The following CCNY variants were observed in gnomAD, a reference collection of about 807,000 sequenced individuals.
The protein encoded by CCNY is cyclin-Y.
Under a neutral mutation model 42.8 loss-of-function variants are expected in CCNY, and 19 were observed. The ratio of observed to expected loss-of-function variants is 0.44; its 90% CI spans 0.31 to 0.65. CCNY has a LOEUF of 0.65. Ranked by LOEUF, CCNY falls within the 30% of genes least tolerant of loss-of-function variation. CCNY has a pLI of 0.07. For missense variants in CCNY, 370 were observed against 437.3 expected, an observed-to-expected ratio of 0.85 and a Z score of 1.37; for synonymous variants, 165 against 162.7, an observed-to-expected ratio of 1.01 and a Z score of -0.11.
intron 7 of CCNY, among the ~76,000 whole-genome samples, chr10:35,541,904 G>A (rs140774365): frequency 0.045 from 6,553 of 146,654 alleles, 178 homozygotes; most frequent in Non-Finnish European, 0.069. Context: ...TCTTCTTTAG[G>A]ATCCCATCCA....
At chr10:35,458,767 C>T (rs1489730040) in intron 1 of CCNY, among the ~76,000 whole-genome samples, 1 of 152,232 alleles carries the variant, frequency 6.6e-6, no homozygotes, top group Admixed American at 6.5e-5. Context: ...TTAACCACTG[C>T]TCCCACGCCT....
chr10:35,533,316 C>T (rs146946329), intron 7 of CCNY, among the ~76,000 whole-genome samples: 3 of 152,200 alleles, frequency 2.0e-5, no homozygotes, highest in Admixed American at 6.5e-5. Flanking sequence ...TCACTTTGCA[C>T]GCTCCTCTGT....
chr10:35,321,958 G>A (rs1835826910), intron 3 of CCNY, among the ~76,000 whole-genome samples: 1 of 152,082 alleles, frequency 6.6e-6, no homozygotes, highest in South Asian at 2.1e-4. Flanking sequence ...TTCAACAAAT[G>A]GTACCGGAAA....
At chr10:35,501,328 C>T (rs1488951607) in intron 2 of CCNY, among the ~76,000 whole-genome samples, 173 bp from the exon 3 acceptor site, 1 of 152,172 alleles carries the variant, frequency 6.6e-6, no homozygotes, top group African/African-American at 2.4e-5. Flanking sequence ...GAGCCAAGTT[C>T]ATTCAGATCT....
intron 1 of CCNY, among the ~76,000 whole-genome samples, chr10:35,375,146 G>A (rs1489789703): frequency 2.6e-5 from 4 of 152,074 alleles, no homozygotes; most frequent in Non-Finnish European, 4.4e-5. Flanking sequence ...AGTTGGTGGC[G>A]TAAACAACAC....
At chr10:35,506,731 CA>C (rs1840223100) in intron 3 of CCNY, among the ~76,000 whole-genome samples, 1 of 151,518 alleles carries the variant, frequency 6.6e-6, no homozygotes, top group African/African-American at 2.5e-5. Flanking sequence ...TTAAGACACA[CA>C]AGTGACGGGG....
At chr10:35,438,621 T>C (rs2135291632) in intron 1 of CCNY, among the ~76,000 whole-genome samples, 1 of 152,358 alleles carries the variant, frequency 6.6e-6, no homozygotes, top group Non-Finnish European at 1.5e-5. Flanking sequence ...TATGTAATTG[T>C]CGTAAATGTT....
chr10:35,413,698 G>T (rs535206161), intron 1 of CCNY, among the ~76,000 whole-genome samples: 1 of 152,318 alleles, frequency 6.6e-6, no homozygotes, highest in South Asian at 2.1e-4. Flanking sequence ...GGAGGAGAGC[G>T]TTCAGCAGGA....
chr10:35,533,869 T>C (rs2135427407), intron 7 of CCNY, among the ~76,000 whole-genome samples: 1 of 152,318 alleles, frequency 6.6e-6, no homozygotes, highest in South Asian at 2.1e-4. Context: ...CAGTAAGTAT[T>C]TGTTGAACAT....
At chr10:35,463,276 A>G (rs1839193404) in intron 1 of CCNY, among the ~76,000 whole-genome samples, 1 of 152,230 alleles carries the variant, frequency 6.6e-6, no homozygotes, top group Non-Finnish European at 1.5e-5. Context: ...TGAGGATTAA[A>G]TAAACATGTC....
intron 2 of CCNY, among the ~76,000 whole-genome samples, chr10:35,485,774 A>G (rs1839775868): frequency 6.6e-6 from 1 of 152,074 alleles, no homozygotes; most frequent in South Asian, 2.1e-4. Context: ...GGTAACTTTA[A>G]TGAATTCTTT....
At chr10:35,455,966 G>A (rs768957361) in intron 1 of CCNY, among the ~76,000 whole-genome samples, 1 of 151,984 alleles carries the variant, frequency 6.6e-6, no homozygotes, top group African/African-American at 2.4e-5. Context: ...TTACAGGCAT[G>A]AGCCACCATG....
intron 3 of CCNY, among the ~76,000 whole-genome samples, chr10:35,315,722 A>T (rs778919032): frequency 8.5e-5 from 13 of 152,186 alleles, no homozygotes; most frequent in Non-Finnish European, 1.5e-4. Context: ...AGCAGTGTAT[A>T]AGCATTCCCT....
chr10:35,291,394 T>C (rs1835411795), intron 3 of CCNY, among the ~76,000 whole-genome samples: 1 of 152,188 alleles, frequency 6.6e-6, no homozygotes, highest in South Asian at 2.1e-4. Flanking sequence ...ACATTATTTC[T>C]TTTTATTGCC....
chr10:35,313,705 G>T (rs1835717654), intron 3 of CCNY, among the ~76,000 whole-genome samples: 1 of 152,148 alleles, frequency 6.6e-6, no homozygotes, highest in Non-Finnish European at 1.5e-5. Flanking sequence ...GGGCACGGTG[G>T]CTCATGCCTG....
At chr10:35,534,999 A>ATGTGTGTGTGTGTG (rs59534409) in intron 7 of CCNY, among the ~76,000 whole-genome samples, 4 of 133,502 alleles carry the variant, frequency 3.0e-5, no homozygotes, top group South Asian at 2.6e-4. Flanking sequence ...ATCTATATAT[A>ATGTGTGTGTGTGTG]TGTGTGTGTG....
intron 2 of CCNY, chr10:35,250,431 T>G (rs1565051707): frequency 6.6e-6 from 1 of 152,182 alleles, no homozygotes; most frequent in African/African-American, 2.4e-5. Flanking sequence ...CATGAGGGCA[T>G]TTTTCTCAAA....
chr10:35,476,848 G>T (rs1839522920), intron 1 of CCNY, among the ~76,000 whole-genome samples: 2 of 152,184 alleles, frequency 1.3e-5, no homozygotes, highest in Non-Finnish European at 2.9e-5. Context: ...GAATCCAGGA[G>T]CAGGTTTTCT....
At chr10:35,437,260 A>C (rs2135289125) in intron 1 of CCNY, among the ~76,000 whole-genome samples, 1 of 152,350 alleles carries the variant, frequency 6.6e-6, no homozygotes, top group Non-Finnish European at 1.5e-5. Flanking sequence ...AGGATCCTTG[A>C]GAGTCTGATG....
Sources: gnomAD v4.1 joint callset for allele counts (sites outside exome capture counted in the v4.1 genomes callset) on GRCh38, gnomAD v4.1.1 for gene constraint, MANE v1.5 for transcripts, NCBI Gene and HGNC (gene_info 2026-07-23, HGNC 2026-07-21) for gene names.